Variants in ELMO1 observed in about 807,000 individuals in gnomAD.
ELMO1 encodes engulfment and cell motility protein 1.
In ELMO1, 26 loss-of-function variants were observed where a neutral mutation model predicts 98.9. The observed-to-expected ratio is 0.26, with a 90% confidence interval of 0.19 to 0.36. ELMO1 has a LOEUF of 0.36. Ranked by LOEUF, ELMO1 falls within the 10% of genes least tolerant of loss-of-function variation. The pLI, the probability that ELMO1 is intolerant of heterozygous loss-of-function variation, is 1.00. For synonymous variants in ELMO1, 346 were observed against 346.0 expected (o/e 1.00, Z 0.00); for missense variants, 627 against 935.2 (o/e 0.67, Z 4.30).
chr7:37,075,281 G>A (rs546595367), intron 15 of ELMO1, among the ~76,000 whole-genome samples: 20 of 151,668 alleles, frequency 1.3e-4, no homozygotes, highest in Non-Finnish European at 2.1e-4. Flanking sequence ...CAAGTAGCTG[G>A]GACTACAGGC....
At chr7:37,120,067 G>A (rs1221227318) in intron 14 of ELMO1, among the ~76,000 whole-genome samples, 1 of 152,178 alleles carries the variant, frequency 6.6e-6, no homozygotes, top group East Asian at 1.9e-4. Context: ...GAAACCTCAA[G>A]ATTATACAAA....
intron 5 of ELMO1, among the ~76,000 whole-genome samples, chr7:37,262,813 C>G (rs1262675691): frequency 6.6e-6 from 1 of 152,180 alleles, no homozygotes; most frequent in African/African-American, 2.4e-5. Context: ...TGGCTACCTC[C>G]AGGGCTGCAG....
intron 1 of ELMO1, among the ~76,000 whole-genome samples, chr7:37,362,816 G>C (rs1460668433): frequency 6.6e-6 from 1 of 152,092 alleles, no homozygotes; most frequent in African/African-American, 2.4e-5. Flanking sequence ...GCACTCTAGG[G>C]GACTGCACTT....
At chr7:37,445,335 C>T (rs1359778513) in intron 1 of ELMO1, among the ~76,000 whole-genome samples, 1 of 152,226 alleles carries the variant, frequency 6.6e-6, no homozygotes, top group Non-Finnish European at 1.5e-5. Context: ...ATAAACCAAA[C>T]TATCTACTTG....
intron 4 of ELMO1, among the ~76,000 whole-genome samples, chr7:37,303,548 C>A (rs1460986197): frequency 6.6e-6 from 1 of 152,142 alleles, no homozygotes; most frequent in Non-Finnish European, 1.5e-5. Context: ...TTATAAGAAT[C>A]ACAGAGCCAT....
At chr7:37,224,053 C>T (rs889144169) in intron 9 of ELMO1, among the ~76,000 whole-genome samples, 3 of 152,132 alleles carry the variant, frequency 2.0e-5, no homozygotes, top group Non-Finnish European at 4.4e-5. Flanking sequence ...CTGAGGACTC[C>T]GGGGAAGCTA....
At chr7:36,859,082 T>C (rs1802413485) in intron 21 of ELMO1, among the ~76,000 whole-genome samples, 2 of 152,134 alleles carry the variant, frequency 1.3e-5, no homozygotes, top group East Asian at 1.9e-4. Context: ...AAAAGGCACA[T>C]GCTCATGATT....
intron 15 of ELMO1, among the ~76,000 whole-genome samples, chr7:37,037,430 C>G (rs1795248788): frequency 6.6e-6 from 1 of 152,098 alleles, no homozygotes; most frequent in African/African-American, 2.4e-5. Context: ...TCCGCTAACC[C>G]CTATGACAGA....
chr7:37,136,418 T>C (rs903276071), intron 13 of ELMO1, among the ~76,000 whole-genome samples: 7 of 152,146 alleles, frequency 4.6e-5, no homozygotes, highest in African/African-American at 1.2e-4. Context: ...CCTAGGCACA[T>C]AGTCAACAGG....
At chr7:36,938,896 T>C (rs1022998218) in intron 16 of ELMO1, among the ~76,000 whole-genome samples, 1 of 152,130 alleles carries the variant, frequency 6.6e-6, no homozygotes, top group African/African-American at 2.4e-5. Flanking sequence ...GGCATGGTGG[T>C]GCATGCCTGT....
intron 2 of ELMO1, among the ~76,000 whole-genome samples, chr7:37,325,068 C>A (rs1018167368): frequency 6.6e-6 from 1 of 152,142 alleles, no homozygotes; most frequent in Non-Finnish European, 1.5e-5. Context: ...CAGATAGCTT[C>A]TTTTATTAAC....
chr7:37,380,820 C>G (rs1462476638), intron 1 of ELMO1, among the ~76,000 whole-genome samples: 1 of 152,206 alleles, frequency 6.6e-6, no homozygotes, highest in Non-Finnish European at 1.5e-5. Context: ...GACAACAGCA[C>G]TGTAACTCAT....
At chr7:37,240,621 AT>A (rs1182517823) in intron 7 of ELMO1, among the ~76,000 whole-genome samples, 1 of 151,944 alleles carries the variant, frequency 6.6e-6, no homozygotes, top group East Asian at 1.9e-4. Flanking sequence ...AATGCTACAA[AT>A]TTCCCCCTAA....
At chr7:37,115,475 A>G (rs892547079) in intron 14 of ELMO1, among the ~76,000 whole-genome samples, 3 of 152,200 alleles carry the variant, frequency 2.0e-5, no homozygotes, top group African/African-American at 7.2e-5. Flanking sequence ...CCATTGTATC[A>G]ACAGGCTAAA....
chr7:37,110,021 C>G (rs1411248959), intron 14 of ELMO1, among the ~76,000 whole-genome samples: 1 of 152,174 alleles, frequency 6.6e-6, no homozygotes, highest in African/African-American at 2.4e-5. Flanking sequence ...CCAGATTGCC[C>G]TCTGGGATGA....
intron 7 of ELMO1, among the ~76,000 whole-genome samples, chr7:37,234,434 A>T (rs1274433169): frequency 6.6e-6 from 1 of 152,192 alleles, no homozygotes; most frequent in African/African-American, 2.4e-5. Flanking sequence ...GACCTTTGAA[A>T]TTCTGCATCA....
chr7:36,909,116 A>G (rs1443190647), intron 16 of ELMO1, among the ~76,000 whole-genome samples: 1 of 152,260 alleles, frequency 6.6e-6, no homozygotes, highest in African/African-American at 2.4e-5. Flanking sequence ...TGACTTCAGA[A>G]TGTGAGAGTT....
intron 1 of ELMO1, among the ~76,000 whole-genome samples, chr7:37,446,709 G>A (rs909790482): frequency 2.0e-5 from 3 of 152,104 alleles, no homozygotes; most frequent in African/African-American, 7.2e-5. Flanking sequence ...GTCTGCCTCC[G>A]AGCCTGCCCC....
chr7:37,005,128 A>G (rs1020066337), intron 16 of ELMO1, among the ~76,000 whole-genome samples: 65 of 150,684 alleles, frequency 4.3e-4, no homozygotes, highest in Non-Finnish European at 8.0e-4. Flanking sequence ...AAAAAAAAAA[A>G]AAAAGAAAAA....
Sources: gnomAD v4.1 joint callset for allele counts (sites outside exome capture counted in the v4.1 genomes callset) on GRCh38, gnomAD v4.1.1 for gene constraint, MANE v1.5 for transcripts, NCBI Gene and HGNC (gene_info 2026-07-23, HGNC 2026-07-21) for gene names.